The following AGBL1 variants were observed in gnomAD, a reference collection of about 807,000 sequenced individuals.
AGBL1 encodes cytosolic carboxypeptidase 4.
AGBL1 carries 130 observed loss-of-function variants against 118.9 expected under a neutral mutation model. The observed-to-expected ratio is 1.09, with a 90% CI of 0.95 to 1.26. The LOEUF (loss-of-function observed/expected upper bound fraction) is 1.26. Ranked by LOEUF, AGBL1 falls within the 50% of genes most tolerant of loss-of-function variation. AGBL1 has a pLI of 0.00. For synonymous variants in AGBL1, 555 were observed against 478.9 expected (o/e 1.16, Z -2.08); for missense variants, 1,584 against 1,298.1 (o/e 1.22, Z -3.38).
intron 4 of AGBL1, among the ~76,000 whole-genome samples, chr15:86,156,964 AT>A (rs1284297997): frequency 6.6e-6 from 1 of 151,258 alleles, no homozygotes; most frequent in Non-Finnish European, 1.5e-5. Flanking sequence ...TAATTTTTGT[AT>A]TTTTAGTAAA....
intron 21 of AGBL1, among the ~76,000 whole-genome samples, chr15:86,582,434 C>A (rs1299261009): frequency 3.3e-5 from 5 of 152,046 alleles, no homozygotes; most frequent in Non-Finnish European, 5.9e-5. Context: ...GGAGTTCAAC[C>A]ATTGTGGAAG....
At chr15:86,483,006 A>C (rs773155797) in intron 18 of AGBL1, among the ~76,000 whole-genome samples, 5 of 152,028 alleles carry the variant, frequency 3.3e-5, no homozygotes, top group Admixed American at 2.6e-4. Context: ...ACTTCAAGGG[A>C]GAAGAAAAGG....
chr15:86,234,256 A>G (rs946398820), intron 6 of AGBL1, among the ~76,000 whole-genome samples: 3 of 151,984 alleles, frequency 2.0e-5, no homozygotes, highest in Non-Finnish European at 4.4e-5. Flanking sequence ...CTTACTCCGA[A>G]AGAGTAAGTC....
At chr15:86,841,723 C>T (rs1013417282) in intron 22 of AGBL1, among the ~76,000 whole-genome samples, 8 of 151,908 alleles carry the variant, frequency 5.3e-5, no homozygotes, top group Non-Finnish European at 1.0e-4. Flanking sequence ...GGTGCATGCC[C>T]GTAATCCCAT....
At chr15:86,161,685 A>C (rs1009033465) in intron 5 of AGBL1, among the ~76,000 whole-genome samples, 1 of 152,154 alleles carries the variant, frequency 6.6e-6, no homozygotes, top group African/African-American at 2.4e-5. Flanking sequence ...TCAGTTGGCT[A>C]TTTCCTCTCA....
In AGBL1 at chr15:86,522,928, C is replaced by T. The variant is rs371874943; in HGVS notation, c.2674C>T (p.Arg892Ter). Residue 892 changes from arginine (R) to a stop codon, truncating the protein, a stop_gained, in exon 19 of 23, where the codon CGA (arginine) becomes TGA (stop). Transcript: ENST00000614907. LOFTEE classifies it high-confidence loss of function. ...GLLYHLSSIG[R>*]SPVVFCDFHG... ...CCTCTACCACCTGAGCAGCATTGGC[C>T]GAAGTCCCGTGGTGAGTCACTTCCT... The T allele has an allele frequency of 4.3e-5, 69 of 1,613,900 alleles. No individual in the cohort carries two copies. The highest frequency in any genetic ancestry group is 5.0e-5 in the Non-Finnish European group (59 of 1,179,816).
At position 86,511,601 on chromosome 15, in the gene AGBL1, CA is replaced by C. The variant is rs1294968976; in HGVS notation, c.2556-11205del. On this transcript the variant is annotated intron_variant, in intron 18 of 22. Coordinates refer to ENST00000614907, the MANE Select transcript of AGBL1 (RefSeq NM_001386094.1). ...CTGTAAATCTCAACTTTCTCATGTGCAAAATGGAAATTATAATTATAAATGC... is the reference window on the plus strand; with the variant it reads ...CTGTAAATCTCAACTTTCTCATGTGCAAATGGAAATTATAATTATAAATGC... 2.0e-5 allele frequency among the ~76,000 whole-genome samples: 3 copies of C among 152,090 alleles called. No individual in the cohort carries two copies. The East Asian group carries it at 5.8e-4, about 29-fold the overall frequency.
chr15:86,113,221 T>TCTTTTCTTTC (rs1393489416), intron 1 of AGBL1, among the ~76,000 whole-genome samples: 2 of 61,186 alleles, frequency 3.3e-5, no homozygotes, highest in Non-Finnish European at 5.5e-5. Context: ...CTTTTTCTTT[T>TCTTTTCTTTC]CTTTTCTTTT....
At chr15:86,356,650 G>C (rs1415125731) in intron 17 of AGBL1, among the ~76,000 whole-genome samples, 1 of 152,128 alleles carries the variant, frequency 6.6e-6, no homozygotes, top group Non-Finnish European at 1.5e-5. Flanking sequence ...TTTTTACCCT[G>C]AGAATTGTAC....
chr15:86,680,876 C>G (rs1237436300), intron 22 of AGBL1, among the ~76,000 whole-genome samples: 2 of 151,978 alleles, frequency 1.3e-5, no homozygotes, highest in African/African-American at 4.8e-5. Flanking sequence ...CGCACCCTGT[C>G]TTTTCTACCT....
At chr15:86,674,535 C>A in intron 22 of AGBL1, 99 bp downstream of exon 22, 2 of 1,227,052 alleles carry the variant, frequency 1.6e-6, no homozygotes, top group South Asian at 1.7e-5. Context: ...GGTCTTTACA[C>A]AGAGAAAATA....
chr15:86,763,817 C>G (rs754313514), intron 22 of AGBL1, among the ~76,000 whole-genome samples: 2 of 151,982 alleles, frequency 1.3e-5, no homozygotes, highest in East Asian at 1.9e-4. Context: ...CTAACTCAAA[C>G]AGTGCATGAT....
intron 18 of AGBL1, among the ~76,000 whole-genome samples, chr15:86,438,143 T>TGATC (rs894954123): frequency 1.3e-5 from 2 of 152,192 alleles, no homozygotes; most frequent in African/African-American, 4.8e-5. Flanking sequence ...CCTGACCTCA[T>TGATC]GATCCATCCA....
At chr15:86,726,225 G>C (rs1180736452) in intron 22 of AGBL1, among the ~76,000 whole-genome samples, 1 of 152,192 alleles carries the variant, frequency 6.6e-6, no homozygotes, top group East Asian at 1.9e-4. Context: ...TTACTTGGCA[G>C]AGCTGTGACT....
chr15:87,015,569 G>A (rs981756807), intron 24 of AGBL1, among the ~76,000 whole-genome samples: 6 of 152,152 alleles, frequency 3.9e-5, no homozygotes, highest in African/African-American at 1.4e-4. Context: ...TGTGCTAGGA[G>A]TTATATATAC....
chr15:87,030,411 T>C (rs1567295329), downstream of AGBL1, among the ~76,000 whole-genome samples: 1 of 152,030 alleles, frequency 6.6e-6, no homozygotes, highest in African/African-American at 2.4e-5. Context: ...CAGGTAAGTA[T>C]TTCTTATTGA....
intron 22 of AGBL1, among the ~76,000 whole-genome samples, chr15:86,906,547 A>C (rs1218984282): frequency 6.6e-6 from 1 of 152,092 alleles, no homozygotes; most frequent in Non-Finnish European, 1.5e-5. Flanking sequence ...GTGTAATATG[A>C]CTCATAGTGC....
intron 22 of AGBL1, among the ~76,000 whole-genome samples, chr15:86,751,025 AAATACAGTCTATTGT>A: frequency 6.6e-6 from 1 of 152,042 alleles, no homozygotes; most frequent in Non-Finnish European, 1.5e-5. Flanking sequence ...CACATTTTTT[AAATACAGTCTATTGT>A]CAGTAGGAAT....
intron 22 of AGBL1, among the ~76,000 whole-genome samples, chr15:86,852,554 G>T (rs1195330441): frequency 6.6e-6 from 1 of 152,166 alleles, no homozygotes; most frequent in East Asian, 1.9e-4. Flanking sequence ...ACTTAACACT[G>T]AAGCTGATCT....
Sources: gnomAD v4.1 joint callset for allele counts (sites outside exome capture counted in the v4.1 genomes callset) on GRCh38, gnomAD v4.1.1 for gene constraint, MANE v1.5 for transcripts, NCBI Gene and HGNC (gene_info 2026-07-23, HGNC 2026-07-21) for gene names.